OXR1: variants seen among roughly 807,000 people sequenced by gnomAD.
The protein encoded by OXR1 is oxidation resistance protein 1.
A neutral mutation model predicts 104.6 loss-of-function variants in OXR1; 41 were observed. That is an observed-to-expected ratio of 0.39 (90% CI 0.31 to 0.51). OXR1 has a LOEUF of 0.51. OXR1 is among the 20% of genes least tolerant of loss of function. The pLI, the probability that OXR1 is intolerant of heterozygous loss-of-function variation, is 0.77. For missense variants in OXR1, 955 were observed against 1,031.9 expected (o/e 0.93, Z 1.02); for synonymous variants, 348 against 348.4 (o/e 1.00, Z 0.01).
intron 2 of OXR1, among the ~76,000 whole-genome samples, chr8:106,474,012 T>TACACACACAC (rs199751152): frequency 1.7e-4 from 23 of 137,408 alleles, no homozygotes; most frequent in Admixed American, 4.5e-4. Flanking sequence ...TGTATATTTA[T>TACACACACAC]ACACACACAC....
At chr8:106,429,101 C>T (rs554404818) in intron 2 of OXR1, among the ~76,000 whole-genome samples, 1 of 152,236 alleles carries the variant, frequency 6.6e-6, no homozygotes, top group Non-Finnish European at 1.5e-5. Flanking sequence ...AGGGAAGCCA[C>T]GGCTTTATTG....
chr8:106,457,701 G>A (rs1820676466), intron 2 of OXR1, among the ~76,000 whole-genome samples: 2 of 152,296 alleles, frequency 1.3e-5, no homozygotes, highest in South Asian at 2.1e-4. Context: ...GTCTCAGAAT[G>A]TTGGTAGAAA....
At chr8:106,385,737 T>C (rs1817345593) in intron 2 of OXR1, among the ~76,000 whole-genome samples, 1 of 152,120 alleles carries the variant, frequency 6.6e-6, no homozygotes, top group South Asian at 2.1e-4. Flanking sequence ...CTAGATGGCC[T>C]TTTGTTATCC....
At chr8:106,697,564 C>T in intron 7 of OXR1, 3 of 1,611,322 alleles carry the variant, frequency 1.9e-6, no homozygotes, top group Non-Finnish European at 2.5e-6. Context: ...CTTAGGGAAC[C>T]AGTTGGGATC....
chr8:106,475,804 T>A (rs1586691066), intron 2 of OXR1, among the ~76,000 whole-genome samples: 1 of 151,992 alleles, frequency 6.6e-6, no homozygotes, highest in Non-Finnish European at 1.5e-5. Context: ...CATCAAGTTG[T>A]CTTCTGTTAA....
In OXR1 at chr8:106,368,649, G is replaced by A. The variant is rs184555043; in HGVS notation, c.23+9013G>A. Among the ~76,000 whole-genome samples, 392 of 151,938 alleles carry A rather than the reference G, an allele frequency of 2.6e-3. 2 individuals are homozygous for A. Among genetic ancestry groups the A allele is most frequent in the Non-Finnish European group, 2.8e-3 (193 of 67,956 alleles). On this transcript the variant is annotated intron_variant, in intron 2 of 16. Coordinates refer to ENST00000517566, the MANE Select transcript of OXR1 (RefSeq NM_001198533.2). Reference sequence around the variant, plus strand: ...CTTGCTTATGAGTGAGAACACACACGGTGTTTGGTTTTCTGTTCCTGTGTT... The same window carrying A: ...CTTGCTTATGAGTGAGAACACACACAGTGTTTGGTTTTCTGTTCCTGTGTT...
chr8:106,736,867 A>G (rs1052965632), intron 11 of OXR1, among the ~76,000 whole-genome samples: 7 of 149,210 alleles, frequency 4.7e-5, no homozygotes, highest in African/African-American at 9.8e-5. Context: ...CAAAAAGTGG[A>G]AAAAAAAAGT....
chr8:106,387,138 T>G (rs1817407639), intron 2 of OXR1, among the ~76,000 whole-genome samples: 1 of 152,200 alleles, frequency 6.6e-6, no homozygotes, highest in African/African-American at 2.4e-5. Flanking sequence ...AGAGTGAGCA[T>G]TAGTGCCATG....
intron 2 of OXR1, chr8:106,447,853 C>T: frequency 1.4e-6 from 2 of 1,430,296 alleles, no homozygotes; most frequent in East Asian, 2.5e-5. Context: ...CTCTTTTTGC[C>T]TTAGATGTTG....
intron 3 of OXR1, among the ~76,000 whole-genome samples, chr8:106,529,358 G>A (rs1449786445): frequency 1.3e-5 from 2 of 152,070 alleles, no homozygotes; most frequent in African/African-American, 4.8e-5. Context: ...TAAAACATGA[G>A]ATTAAGGAAA....
intron 3 of OXR1, among the ~76,000 whole-genome samples, chr8:106,526,831 C>T (rs914588924): frequency 1.1e-4 from 16 of 152,222 alleles, no homozygotes; most frequent in African/African-American, 2.9e-4. Flanking sequence ...GCGTGAGCCA[C>T]CGCGCCATGT....
intron 11 of OXR1, among the ~76,000 whole-genome samples, chr8:106,718,096 T>C (rs746700655): frequency 1.3e-5 from 2 of 152,204 alleles, no homozygotes; most frequent in Non-Finnish European, 2.9e-5. Context: ...ACTGCGATAG[T>C]GTGAAAATGT....
chr8:106,490,605 A>G (rs893192307), intron 2 of OXR1, among the ~76,000 whole-genome samples: 3 of 152,122 alleles, frequency 2.0e-5, no homozygotes, highest in African/African-American at 2.4e-5. Context: ...ATCTCAAATG[A>G]TCCTCCTGCC....
intron 2 of OXR1, among the ~76,000 whole-genome samples, chr8:106,408,996 A>G (rs6469066): frequency 0.23 from 34,563 of 152,024 alleles, 5,581 homozygotes; most frequent in African/African-American, 0.44. Context: ...AAGCCTGTTT[A>G]AGAAAAATTC....
intron 1 of OXR1, among the ~76,000 whole-genome samples, chr8:106,329,781 T>C (rs1007631441): frequency 7.2e-5 from 11 of 152,150 alleles, no homozygotes; most frequent in Admixed American, 6.5e-4. Flanking sequence ...GCAGGTTGCA[T>C]AGGTGTCAGT....
intron 2 of OXR1, among the ~76,000 whole-genome samples, chr8:106,453,946 C>G (rs1387791320): frequency 6.6e-6 from 1 of 152,180 alleles, no homozygotes; most frequent in African/African-American, 2.4e-5. Context: ...AACTAAGGCA[C>G]AAAGCATTCT....
At chr8:106,646,820 C>A (rs896709627) in intron 3 of OXR1, among the ~76,000 whole-genome samples, 1 of 152,176 alleles carries the variant, frequency 6.6e-6, no homozygotes, top group Non-Finnish European at 1.5e-5. Context: ...CATGATGTAA[C>A]ATTATTCTTT....
intron 2 of OXR1, among the ~76,000 whole-genome samples, chr8:106,418,016 A>T (rs1338723649): frequency 6.6e-6 from 1 of 152,118 alleles, no homozygotes; most frequent in Non-Finnish European, 1.5e-5. Context: ...TCTCTCAGGG[A>T]TGCAGTAGCC....
At chr8:106,565,594 C>T (rs1817008125) in intron 3 of OXR1, among the ~76,000 whole-genome samples, 1 of 152,134 alleles carries the variant, frequency 6.6e-6, no homozygotes, top group South Asian at 2.1e-4. Context: ...ATCAAGCTAC[C>T]ATTGACTTTC....
Sources: allele counts gnomAD v4.1 joint callset (sites outside exome capture counted in the v4.1 genomes callset), GRCh38; gene constraint gnomAD v4.1.1; transcripts MANE v1.5; gene names NCBI Gene and HGNC (gene_info 2026-07-23, HGNC 2026-07-21).